Variants in PHACTR3 observed in about 807,000 individuals in gnomAD.
PHACTR3 encodes the protein phosphatase and actin regulator 3, also known as protein phosphatase 1, regulatory subunit 123.
PHACTR3 carries 16 observed loss-of-function variants against 66.8 expected under a neutral mutation model. The observed-to-expected ratio is 0.24, with a 90% confidence interval of 0.16 to 0.36. The LOEUF is 0.36. Ranked by LOEUF, PHACTR3 falls within the 10% of genes least tolerant of loss-of-function variation. The pLI is 1.00. For synonymous variants in PHACTR3, 323 were observed against 292.1 expected (o/e 1.11, Z -1.08); for missense variants, 647 against 719.9 (o/e 0.90, Z 1.16).
intron 1 of PHACTR3, among the ~76,000 whole-genome samples, chr20:59,618,179 C>T (rs938647068): frequency 7.9e-5 from 12 of 152,170 alleles, no homozygotes; most frequent in South Asian, 2.1e-4. Context: ...GGGGCAGCTT[C>T]GGCTGGAGCC....
chr20:59,761,537 T>C (rs1201968770), intron 4 of PHACTR3, among the ~76,000 whole-genome samples: 2 of 152,246 alleles, frequency 1.3e-5, no homozygotes, highest in African/African-American at 2.4e-5. Context: ...GTGTGTCCCC[T>C]GCCCTGGTAG....
At chr20:59,596,943 G>A (rs6128640) in intron 1 of PHACTR3, among the ~76,000 whole-genome samples, 1 of 152,232 alleles carries the variant, frequency 6.6e-6, no homozygotes, top group African/African-American at 2.4e-5. Flanking sequence ...TGTTGGACAC[G>A]GCTTACCCCC....
In PHACTR3 at chr20:59,774,470, T is replaced by A; in HGVS notation, c.1154T>A (p.Leu385Gln). Residue 385 changes from leucine (L) to glutamine (Q), a missense_variant, in exon 7 of 13, where the codon CTG becomes CAG. Physicochemically the swap from Leu to Gln is moderately radical, Grantham distance 113 (BLOSUM62 -2). This residue lies in a region of PHACTR3 where 577 missense variants were observed against 571.1 expected (regional missense o/e 1.01). Transcript: ENST00000371015. ...CTTTTGTATCAGGACGAGGAGGCGCTGAACGACTCCATTATTTCTGGTGAG... is the reference window on the plus strand; with the variant it reads ...CTTTTGTATCAGGACGAGGAGGCGCAGAACGACTCCATTATTTCTGGTGAG... ...DLLLYQDEEA[L>Q]NDSIISGTLP... 1 of 1,613,798 alleles carries A rather than the reference T, an allele frequency of 6.2e-7. No individual in the cohort carries two copies. Among genetic ancestry groups the A allele is most frequent in the South Asian group, 1.1e-5 (1 of 91,060 alleles).
chr20:59,627,231 A>G (rs2034486161), intron 1 of PHACTR3, among the ~76,000 whole-genome samples: 1 of 152,182 alleles, frequency 6.6e-6, no homozygotes. Context: ...GACCCTGGAA[A>G]TGCACGTGTG....
At chr20:59,660,702 A>C (rs1221911098) in intron 1 of PHACTR3, among the ~76,000 whole-genome samples, 1 of 152,236 alleles carries the variant, frequency 6.6e-6, no homozygotes, top group African/African-American at 2.4e-5. Context: ...CTTCATCTCC[A>C]TAATCTGGAT....
At chr20:59,620,796 C>T (rs573025176) in intron 1 of PHACTR3, among the ~76,000 whole-genome samples, 6 of 152,332 alleles carry the variant, frequency 3.9e-5, no homozygotes, top group African/African-American at 1.2e-4. Context: ...TGGGAATCCT[C>T]GCCTGCCAGT....
chr20:59,694,292 C>A (rs2037215850), intron 1 of PHACTR3, among the ~76,000 whole-genome samples: 1 of 152,066 alleles, frequency 6.6e-6, no homozygotes, highest in Non-Finnish European at 1.5e-5. Context: ...CTTCTGTCTC[C>A]CTCTGCTTGT....
chr20:59,719,079 A>G (rs1413273045), intron 1 of PHACTR3, among the ~76,000 whole-genome samples: 1 of 152,260 alleles, frequency 6.6e-6, no homozygotes, highest in Non-Finnish European at 1.5e-5. Flanking sequence ...TGCTAACACC[A>G]GATGAATGAA....
rs570289118 is a variant in PHACTR3, at chr20:59,830,805, C to T, written c.1329-5700C>T. On this transcript the variant is annotated intron_variant, in intron 8 of 12. Coordinates refer to ENST00000371015, the MANE Select transcript of PHACTR3 (RefSeq NM_080672.5). This position sits in a 1 kb window ranked among gnomAD's most constrained non-coding sequence, Gnocchi z 5.8. ...GGCTCAAGTAAGGGAGGGCGTGACGCCATCACCCAGCTGGCAGGGGTCAGA... is the reference window on the plus strand; with the variant it reads ...GGCTCAAGTAAGGGAGGGCGTGACGTCATCACCCAGCTGGCAGGGGTCAGA... Among the ~76,000 whole-genome samples, 145 of 152,260 alleles carry T rather than the reference C, an allele frequency of 9.5e-4. No homozygotes were observed. The highest frequency in any genetic ancestry group is 3.1e-3 in the African/African-American group (127 of 41,532).
At chr20:59,783,023 G>C (rs2040779982) in intron 7 of PHACTR3, among the ~76,000 whole-genome samples, 1 of 152,148 alleles carries the variant, frequency 6.6e-6, no homozygotes, top group Non-Finnish European at 1.5e-5. Context: ...CGTGTTATTT[G>C]AATGCCATTT....
intron 8 of PHACTR3, among the ~76,000 whole-genome samples, chr20:59,832,010 T>C (rs1315960170): frequency 6.6e-6 from 1 of 152,108 alleles, no homozygotes; most frequent in Non-Finnish European, 1.5e-5. Context: ...GCAGGGGTGG[T>C]GGCCTGTGAT....
intron 7 of PHACTR3, among the ~76,000 whole-genome samples, chr20:59,775,073 T>C (rs2040485693): frequency 1.1e-5 from 1 of 87,318 alleles, no homozygotes; most frequent in Non-Finnish European, 3.1e-5. Context: ...TTTGTCCTCA[T>C]GGTGCGTTCT....
chr20:59,583,232 G>GT (rs1260139019), intron 1 of PHACTR3, among the ~76,000 whole-genome samples: 2 of 152,184 alleles, frequency 1.3e-5, no homozygotes, highest in African/African-American at 4.8e-5. Flanking sequence ...GGAGTCACTG[G>GT]GTTTAACCCA....
At chr20:59,772,559 AAC>A (rs2146888850) in intron 5 of PHACTR3, among the ~76,000 whole-genome samples, 1 of 152,320 alleles carries the variant, frequency 6.6e-6, no homozygotes, top group East Asian at 1.9e-4. Flanking sequence ...AGGCAGAAAG[AAC>A]AGCCCATGCA....
intron 8 of PHACTR3, among the ~76,000 whole-genome samples, chr20:59,809,347 G>A (rs944430895): frequency 3.3e-5 from 5 of 152,262 alleles, no homozygotes; most frequent in African/African-American, 7.2e-5. Context: ...CCTCTGCATC[G>A]TGGTGTCGTC....
intron 1 of PHACTR3, among the ~76,000 whole-genome samples, chr20:59,580,678 G>T (rs1003378322): frequency 2.0e-5 from 3 of 152,062 alleles, no homozygotes; most frequent in African/African-American, 4.8e-5. Flanking sequence ...GGCTGCAAAA[G>T]ACAGTTTGAA....
chr20:59,665,733 G>A (rs1324312518), intron 1 of PHACTR3, among the ~76,000 whole-genome samples: 1 of 152,130 alleles, frequency 6.6e-6, no homozygotes, highest in Non-Finnish European at 1.5e-5. Context: ...GTGTGGACTG[G>A]AGGCTCAGGA....
intron 1 of PHACTR3, among the ~76,000 whole-genome samples, chr20:59,633,376 T>C (rs2034737491): frequency 6.6e-6 from 1 of 152,116 alleles, no homozygotes; most frequent in African/African-American, 2.4e-5. Context: ...GTGGAAGCCA[T>C]CATCCTCAGC....
chr20:59,703,717 G>GTC (rs1555817971), intron 1 of PHACTR3, among the ~76,000 whole-genome samples: 4 of 152,202 alleles, frequency 2.6e-5, no homozygotes, highest in African/African-American at 9.6e-5. Flanking sequence ...GTGTGTGTGT[G>GTC]TAATTTCATC....
Sources: gnomAD v4.1 joint callset for allele counts (sites outside exome capture counted in the v4.1 genomes callset) on GRCh38, gnomAD v4.1.1 for gene constraint, gnomAD v4.1.1 regional missense constraint, Gnocchi (gnomAD v3.1) non-coding constraint, MANE v1.5 for transcripts, NCBI Gene and HGNC (gene_info 2026-07-23, HGNC 2026-07-21) for gene names.